Variants in ST6GAL1 observed in about 807,000 individuals in gnomAD.
ST6GAL1 encodes beta-galactoside alpha-2,6-sialyltransferase 1.
ST6GAL1 carries 20 observed loss-of-function variants against 38.0 expected under a neutral mutation model. The observed-to-expected ratio is 0.53, with a 90% CI of 0.37 to 0.77. The LOEUF is 0.77. Among genes scored for constraint, ST6GAL1 ranks in the 30% least tolerant of loss-of-function variants. ST6GAL1 has a pLI of 0.00. For missense variants in ST6GAL1, 432 were observed against 496.4 expected (o/e 0.87, Z 1.23); for synonymous variants, 196 against 188.2 (o/e 1.04, Z -0.34).
intron 5 of ST6GAL1, among the ~76,000 whole-genome samples, chr3:187,062,109 C>T (rs2108595257): frequency 6.6e-6 from 1 of 152,222 alleles, no homozygotes; most frequent in African/African-American, 2.4e-5. Context: ...TTAGTAAGCA[C>T]ATGAAAAGAG....
At chr3:187,051,495 A>G in intron 5 of ST6GAL1, 149 bp downstream of exon 5, 1 of 664,068 alleles carries the variant, frequency 1.5e-6, no homozygotes, top group East Asian at 2.8e-5. Flanking sequence ...GAAGAAGACA[A>G]TGATTCCATG....
chr3:186,944,370 G>C (rs372467224), intron 1 of ST6GAL1, among the ~76,000 whole-genome samples: 1 of 152,124 alleles, frequency 6.6e-6, no homozygotes, highest in African/African-American at 2.4e-5. Flanking sequence ...CATAACATAT[G>C]AGCAAAATTA....
chr3:187,021,803 A>T (rs1214428583), intron 2 of ST6GAL1: 1 of 151,728 alleles, frequency 6.6e-6, no homozygotes, highest in Admixed American at 6.6e-5. Flanking sequence ...TGGGGGAAGA[A>T]ATGCTGACGT....
At chr3:187,022,716 T>A (rs1717373627) in intron 2 of ST6GAL1, among the ~76,000 whole-genome samples, 1 of 152,224 alleles carries the variant, frequency 6.6e-6, no homozygotes, top group African/African-American at 2.4e-5. Flanking sequence ...GTCCAAAGGC[T>A]GTCTGGCAGC....
intron 1 of ST6GAL1, among the ~76,000 whole-genome samples, chr3:186,943,425 A>G (rs1714247705): frequency 6.6e-6 from 1 of 152,092 alleles, no homozygotes; most frequent in East Asian, 1.9e-4. Context: ...CACTGCATAC[A>G]CTATTATTAT....
At chr3:186,978,694 G>A (rs1235363605) in intron 2 of ST6GAL1, among the ~76,000 whole-genome samples, 2 of 152,180 alleles carry the variant, frequency 1.3e-5, no homozygotes, top group Non-Finnish European at 2.9e-5. Context: ...TTATTTGCTT[G>A]CTTAGAAAAC....
intron 5 of ST6GAL1, among the ~76,000 whole-genome samples, chr3:187,060,879 A>G (rs1357239150): frequency 6.6e-6 from 1 of 152,206 alleles, no homozygotes; most frequent in African/African-American, 2.4e-5. Context: ...GAAATAAGCA[A>G]TTCAGAAGTT....
chr3:187,017,671 A>G (rs1266679563), intron 2 of ST6GAL1, among the ~76,000 whole-genome samples: 1 of 152,214 alleles, frequency 6.6e-6, no homozygotes, highest in African/African-American at 2.4e-5. Flanking sequence ...TGGTGACTTT[A>G]AGGAGAGGTA....
intron 1 of ST6GAL1, among the ~76,000 whole-genome samples, chr3:186,932,167 A>G (rs892880860): frequency 7.9e-5 from 12 of 152,192 alleles, no homozygotes; most frequent in African/African-American, 1.4e-4. Context: ...AGAGCCTCCA[A>G]TCCTATTCCG....
chr3:186,957,333 C>T (rs1430145716), intron 1 of ST6GAL1, among the ~76,000 whole-genome samples: 1 of 152,090 alleles, frequency 6.6e-6, no homozygotes, highest in East Asian at 1.9e-4. Flanking sequence ...GTTCCAGCAA[C>T]TTGGGAGGCT....
chr3:187,063,183 A>T (rs931163154), intron 5 of ST6GAL1, among the ~76,000 whole-genome samples: 3 of 152,216 alleles, frequency 2.0e-5, no homozygotes, highest in Non-Finnish European at 4.4e-5. Context: ...TACTAAAAAG[A>T]GGAGAAAATG....
At chr3:187,048,679 C>T (rs967398253) in intron 4 of ST6GAL1, among the ~76,000 whole-genome samples, 3 of 152,136 alleles carry the variant, frequency 2.0e-5, no homozygotes, top group East Asian at 1.9e-4. Context: ...TCACAGGCGT[C>T]GTCTCCCGTG....
At chr3:187,030,456 CAG>C (rs1717705776) in intron 2 of ST6GAL1, among the ~76,000 whole-genome samples, 1 of 152,140 alleles carries the variant, frequency 6.6e-6, no homozygotes, top group Non-Finnish European at 1.5e-5. Context: ...ATTTTTTAGA[CAG>C]AGTCTTGCTC....
chr3:187,024,990 T>TGC (rs776844092), intron 2 of ST6GAL1: 91 of 137,006 alleles, frequency 6.6e-4, no homozygotes, highest in Middle Eastern at 3.6e-3. Context: ...ACCTGGTGCG[T>TGC]GTGTGTGTGT....
At chr3:187,047,234 C>T (rs6783836) in intron 4 of ST6GAL1, among the ~76,000 whole-genome samples, 29,843 of 151,138 alleles carry the variant, frequency 0.2, 4,027 homozygotes, top group African/African-American at 0.39. Context: ...TGTGAGCCAC[C>T]GCGCCCGGCC....
In ST6GAL1 at chr3:187,075,430, A is replaced by C. The variant is rs1423367427; in HGVS notation, c.980-132A>C. 1 of 1,354,290 alleles carries C rather than the reference A, an allele frequency of 7.4e-7. No individual in the cohort carries two copies. The highest frequency in any genetic ancestry group is 1.0e-6 in the Non-Finnish European group (1 of 995,130). 83.9% of individuals were successfully genotyped at this position (1,354,290 alleles called of 1,614,324 possible). ...CTTGCTGAAACTTAGATTGGGAATC[A>C]CAGTCATAAATAGAAACTCCAGAGG... On this transcript the variant is annotated intron_variant, in intron 7 of 7. Transcript: ENST00000169298. This position sits in a 1 kb window ranked among gnomAD's most constrained non-coding sequence, Gnocchi z 4.1.
At chr3:187,000,222 C>T (rs139253745) in intron 2 of ST6GAL1, among the ~76,000 whole-genome samples, 3 of 152,224 alleles carry the variant, frequency 2.0e-5, no homozygotes, top group African/African-American at 7.2e-5. Flanking sequence ...GCAAAGCAAG[C>T]TTTTAATAGA....
intron 1 of ST6GAL1, chr3:186,948,920 C>T (rs935081897): frequency 6.6e-6 from 1 of 152,286 alleles, no homozygotes; most frequent in Non-Finnish European, 1.5e-5. Context: ...TCCCGCGATG[C>T]TCCTGTTTGT....
At chr3:186,958,503 T>TA in intron 1 of ST6GAL1, among the ~76,000 whole-genome samples, 1 of 152,122 alleles carries the variant, frequency 6.6e-6, no homozygotes, top group South Asian at 2.1e-4. Context: ...AGCGTGCTAT[T>TA]TAGATACACT....
Sources: allele counts gnomAD v4.1 joint callset (sites outside exome capture counted in the v4.1 genomes callset), GRCh38; gene constraint gnomAD v4.1.1; non-coding constraint Gnocchi (gnomAD v3.1); transcripts MANE v1.5; gene names NCBI Gene and HGNC (gene_info 2026-07-23, HGNC 2026-07-21).